Variants in FER1L5 observed in about 807,000 individuals in gnomAD.
The protein encoded by FER1L5 is fer-1 like family member 5, also known as fer-1-like protein 5.
In FER1L5, 187 loss-of-function variants were observed where a neutral mutation model predicts 279.9. That is an observed-to-expected ratio of 0.67 (90% CI 0.59 to 0.75). The LOEUF (loss-of-function observed/expected upper bound fraction) is 0.75. FER1L5 is among the 30% of genes least tolerant of loss of function. FER1L5 has a pLI of 0.00. For synonymous variants in FER1L5, 921 were observed against 989.7 expected (o/e 0.93, Z 1.30); for missense variants, 2,091 against 2,594.4 (o/e 0.81, Z 4.21).
At chr2:96,696,449 C>A (rs1214161654) in intron 37 of FER1L5, among the ~76,000 whole-genome samples, 1 of 152,070 alleles carries the variant, frequency 6.6e-6, no homozygotes, top group South Asian at 2.1e-4. Flanking sequence ...CCCGCCACCA[C>A]GCACGGCTAA....
At chr2:96,660,463 G>A in intron 10 of FER1L5, 92 bp downstream of exon 10, 2 of 1,087,200 alleles carry the variant, frequency 1.8e-6, no homozygotes, top group South Asian at 2.7e-5. Context: ...TCCAACACAT[G>A]GGTGGAGGGG....
In FER1L5 at chr2:96,691,338, C is replaced by A; in HGVS notation, c.2892C>A (p.Leu964=). The stretch of plus-strand genomic sequence containing the variant: ...AGCTGAGCCACGAGCAGGAGACCCT[C>A]TCCTTCCTGCAGCTGGTGAGGGGTC... The part of the protein sequence containing the change: ...HGELSHEQET[L]SFLQLGLAKG... The change falls in exon 28 of 53, where the codon CTC becomes CTA. Residue 964 remains leucine, a synonymous_variant. Coordinates refer to ENST00000624922, the MANE Select transcript of FER1L5 (RefSeq NM_001293083.2). The surrounding 1 kb of genome is among the most constrained non-coding windows in gnomAD (Gnocchi z 6.0). 1 of 1,549,738 alleles carries A rather than the reference C, an allele frequency of 6.5e-7. No homozygotes were observed. Among genetic ancestry groups the A allele is most frequent in the Non-Finnish European group, 8.7e-7 (1 of 1,146,272 alleles).
chr2:96,661,792 G>A lies in FER1L5; in HGVS notation c.1018+1G>A, dbSNP rs1190693694. 6.4e-7 allele frequency: 1 copy of A among 1,551,576 alleles called. No individual in the cohort carries two copies. The highest frequency in any genetic ancestry group is 8.7e-7 in the Non-Finnish European group (1 of 1,146,958). The stretch of plus-strand genomic sequence containing the variant: ...TACTGCGCAGAGGACCTTCACCTCA[G>A]TTAGAGTCTGGGTGCAGGGGAGGGA... On this transcript the variant is annotated splice_donor_variant, in intron 12 of 52. Coordinates refer to ENST00000624922, the MANE Select transcript of FER1L5 (RefSeq NM_001293083.2). LOFTEE classifies it high-confidence loss of function.
At chr2:96,660,690 G>A (rs2075920723) in intron 10 of FER1L5, among the ~76,000 whole-genome samples, 1 of 152,188 alleles carries the variant, frequency 6.6e-6, no homozygotes, top group Non-Finnish European at 1.5e-5. Flanking sequence ...AAGTAGCTGG[G>A]ATTACAGGCA....
rs551783137 is a variant in FER1L5 at position 96,673,342 on chromosome 2, A to G, written c.1669+88A>G. ...CTCTCTCAGGGGTATTAGCTCATGG[A>G]AGATTCATAGGCATTATTTACCTAT... On this transcript the variant is annotated intron_variant, in intron 19 of 52. Coordinates refer to ENST00000624922, the MANE Select transcript of FER1L5 (RefSeq NM_001293083.2). 543 of 1,323,376 alleles carry G rather than the reference A, an allele frequency of 4.1e-4. 1 individual carries two copies. The African/African-American group carries it at 7.0e-3, about 17-fold the overall frequency. 82.0% of individuals were successfully genotyped at this position (1,323,376 alleles called of 1,614,324 possible). A position where few individuals can be genotyped will look rare whatever the true frequency, so the allele number is the denominator to read the frequency against.
intron 19 of FER1L5, among the ~76,000 whole-genome samples, chr2:96,680,692 C>G (rs528821316): frequency 6.6e-5 from 10 of 152,250 alleles, no homozygotes; most frequent in African/African-American, 2.4e-4. Context: ...AGTAAACTTT[C>G]AAGTAGAACA....
At chr2:96,652,125 G>T in intron 7 of FER1L5, 105 bp downstream of exon 7, 2 of 1,469,534 alleles carry the variant, frequency 1.4e-6, no homozygotes, top group South Asian at 1.3e-5. Flanking sequence ...TCATGTGTTT[G>T]TTCCACAAGC....
At chr2:96,686,727 G>T (rs192683011) in intron 23 of FER1L5, among the ~76,000 whole-genome samples, 1 of 151,956 alleles carries the variant, frequency 6.6e-6, no homozygotes, top group Non-Finnish European at 1.5e-5. Context: ...GCATGGTGGC[G>T]CATGCTTGTA....
intron 38 of FER1L5, 38 bp downstream of exon 38, chr2:96,697,614 G>A: frequency 1.9e-6 from 3 of 1,613,812 alleles, no homozygotes; most frequent in Non-Finnish European, 2.5e-6. Flanking sequence ...CAGGGAGGTG[G>A]GGGGCTGCCC....
chr2:96,683,940 C>T (rs1046602081), intron 19 of FER1L5, among the ~76,000 whole-genome samples: 1 of 152,108 alleles, frequency 6.6e-6, no homozygotes, highest in African/African-American at 2.4e-5. Context: ...TGCCCCCGTC[C>T]CACCCAGAGG....
intron 2 of FER1L5, 84 bp downstream of exon 2, chr2:96,646,537 G>T: frequency 7.2e-7 from 1 of 1,397,886 alleles, no homozygotes; most frequent in South Asian, 1.3e-5. Context: ...GGTGCTCAGA[G>T]GTCTAGGGAG....
intron 23 of FER1L5, among the ~76,000 whole-genome samples, chr2:96,687,044 C>T (rs1477493324): frequency 6.6e-6 from 1 of 152,026 alleles, no homozygotes; most frequent in African/African-American, 2.4e-5. Context: ...TAAGACTAAA[C>T]ACCCTGACCA....
chr2:96,667,801 C>G (rs1160859768), intron 14 of FER1L5, among the ~76,000 whole-genome samples: 3 of 152,212 alleles, frequency 2.0e-5, no homozygotes, highest in Admixed American at 2.0e-4. Context: ...GTAATATCTA[C>G]CAGCCCACAG....
Position 96,670,555 on chromosome 2 carries a change from A to T in FER1L5, c.1491+308A>T, listed in dbSNP as rs2076285681. Among the ~76,000 whole-genome samples the T allele has an allele frequency of 3.9e-5, 6 of 152,080 alleles. No individual in the cohort carries two copies. The South Asian group carries it at 1.2e-3, about 32-fold the overall frequency. ...CACTTTGGGAGACCGAGGAGGGAGG[A>T]TCACTTGAGTCCAGGAGTTTCAGAC... On this transcript the variant is annotated intron_variant, in intron 18 of 52. Transcript: ENST00000624922.
intron 9 of FER1L5, among the ~76,000 whole-genome samples, chr2:96,659,446 TTTC>T (rs1558854802): frequency 3.1e-5 from 1 of 32,520 alleles, no homozygotes; most frequent in Non-Finnish European, 5.2e-5. Flanking sequence ...TCTTTCTTTC[TTTC>T]TTTCTTTCTT....
intron 14 of FER1L5, among the ~76,000 whole-genome samples, chr2:96,667,764 C>T (rs1353857654): frequency 6.6e-6 from 1 of 152,218 alleles, no homozygotes; most frequent in Non-Finnish European, 1.5e-5. Context: ...AATGTGCATT[C>T]AGACTGCGAG....
At chr2:96,704,394 G>A in intron 52 of FER1L5, 32 bp downstream of exon 52, 1 of 1,613,026 alleles carries the variant, frequency 6.2e-7, no homozygotes, top group Non-Finnish European at 8.5e-7. Flanking sequence ...AAGGACAAAG[G>A]TGGTCTCGGG....
chr2:96,700,311 T>G, intron 44 of FER1L5, 21 bp from the exon 45 acceptor site: 1 of 1,611,196 alleles, frequency 6.2e-7, no homozygotes, highest in Non-Finnish European at 8.5e-7. Context: ...AATCCCCTCC[T>G]TCCATCCCCC....
intron 4 of FER1L5, among the ~76,000 whole-genome samples, chr2:96,649,244 G>A (rs1308521518): frequency 6.6e-5 from 10 of 152,086 alleles, no homozygotes; most frequent in Non-Finnish European, 5.9e-5. Context: ...TTAGAAGGGA[G>A]GAGTGTGCAG....
Sources: allele counts gnomAD v4.1 joint callset (sites outside exome capture counted in the v4.1 genomes callset), GRCh38; gene constraint gnomAD v4.1.1; non-coding constraint Gnocchi (gnomAD v3.1); transcripts MANE v1.5; gene names NCBI Gene and HGNC (gene_info 2026-07-23, HGNC 2026-07-21).